Variants in ASTN2 observed in about 807,000 individuals in gnomAD.
The protein encoded by ASTN2 is astrotactin 2.
ASTN2 carries 54 observed loss-of-function variants against 139.8 expected under a neutral mutation model. That is an observed-to-expected ratio of 0.39 (90% CI 0.31 to 0.48). The LOEUF (loss-of-function observed/expected upper bound fraction) is 0.48. ASTN2 is among the 20% of genes least tolerant of loss of function. ASTN2 has a pLI of 0.95. For synonymous variants in ASTN2, 756 were observed against 719.5 expected (o/e 1.05, Z -0.81); for missense variants, 1,565 against 1,725.1 (o/e 0.91, Z 1.64).
intron 19 of ASTN2, among the ~76,000 whole-genome samples, chr9:116,565,262 G>C (rs1853129323): frequency 7.5e-6 from 1 of 133,224 alleles, no homozygotes; most frequent in Non-Finnish European, 1.6e-5. Context: ...ACACACATAT[G>C]CCCCATACTG....
At chr9:116,691,087 C>CT (rs1860543317) in intron 16 of ASTN2, among the ~76,000 whole-genome samples, 1 of 152,106 alleles carries the variant, frequency 6.6e-6, no homozygotes, top group Admixed American at 6.5e-5. Context: ...ACCTGATTAT[C>CT]TTTTAAATTT....
At chr9:116,590,155 T>G (rs571617535) in intron 19 of ASTN2, among the ~76,000 whole-genome samples, 8 of 152,258 alleles carry the variant, frequency 5.3e-5, no homozygotes, top group African/African-American at 1.9e-4. Flanking sequence ...CACTTCCAAG[T>G]TGGAGGAGCG....
At chr9:116,688,404 CAGAG>C (rs1010893490) in intron 16 of ASTN2, among the ~76,000 whole-genome samples, 1 of 151,928 alleles carries the variant, frequency 6.6e-6, no homozygotes, top group Non-Finnish European at 1.5e-5. Flanking sequence ...GCATGGGAGA[CAGAG>C]GGAGTTCAGG....
intron 9 of ASTN2, among the ~76,000 whole-genome samples, chr9:116,975,857 C>A (rs1245798348): frequency 6.6e-6 from 1 of 152,196 alleles, no homozygotes; most frequent in East Asian, 1.9e-4. Flanking sequence ...TATTTTTAAA[C>A]CACTGGACTT....
intron 5 of ASTN2, among the ~76,000 whole-genome samples, chr9:117,086,415 A>G (rs1208480768): frequency 6.6e-6 from 1 of 152,128 alleles, no homozygotes; most frequent in Non-Finnish European, 1.5e-5. Flanking sequence ...TCTACTAAAA[A>G]TACAAAAAAT....
intron 20 of ASTN2, among the ~76,000 whole-genome samples, chr9:116,485,583 G>T (rs932780313): frequency 6.6e-6 from 1 of 152,194 alleles, no homozygotes; most frequent in Non-Finnish European, 1.5e-5. Flanking sequence ...CTCAAAGTCA[G>T]TCCCCAGTCC....
chr9:116,883,433 A>G (rs527560083), intron 10 of ASTN2, among the ~76,000 whole-genome samples: 2 of 152,106 alleles, frequency 1.3e-5, no homozygotes, highest in East Asian at 1.9e-4. Context: ...TATAATATCC[A>G]TGTCCCTTTC....
At chr9:117,350,521 T>C (rs143182796) in intron 1 of ASTN2, among the ~76,000 whole-genome samples, 133 of 150,188 alleles carry the variant, frequency 8.9e-4, no homozygotes, top group Admixed American at 1.8e-3. Flanking sequence ...GCTACTACGC[T>C]TCAGCCTGGG....
chr9:117,188,783 G>A (rs1831271607), intron 3 of ASTN2, among the ~76,000 whole-genome samples: 1 of 152,170 alleles, frequency 6.6e-6, no homozygotes, highest in South Asian at 2.1e-4. Context: ...GAAATGCCAA[G>A]GAATAATGAT....
chr9:116,511,988 C>T (rs576646827), intron 19 of ASTN2, among the ~76,000 whole-genome samples: 14 of 151,982 alleles, frequency 9.2e-5, no homozygotes, highest in South Asian at 4.2e-4. Context: ...AAGGGTTTTT[C>T]GTGTCTCTAA....
intron 1 of ASTN2, among the ~76,000 whole-genome samples, chr9:117,355,197 C>A (rs1829505866): frequency 6.6e-6 from 1 of 152,092 alleles, no homozygotes; most frequent in Admixed American, 6.5e-5. Context: ...GAATAGTCAG[C>A]AAATTCAGTA....
At chr9:117,243,346 A>G (rs1040193450) in intron 2 of ASTN2, among the ~76,000 whole-genome samples, 1 of 152,248 alleles carries the variant, frequency 6.6e-6, no homozygotes, top group Non-Finnish European at 1.5e-5. Context: ...AGGGAAACTG[A>G]GTATCAAACA....
At chr9:116,923,512 A>G (rs1164021244) in intron 10 of ASTN2, among the ~76,000 whole-genome samples, 1 of 152,224 alleles carries the variant, frequency 6.6e-6, no homozygotes, top group Non-Finnish European at 1.5e-5. Context: ...AAGTTATGAG[A>G]AAAGGTGAGT....
At chr9:117,249,760 C>T (rs866585903) in intron 2 of ASTN2, among the ~76,000 whole-genome samples, 27 of 151,786 alleles carry the variant, frequency 1.8e-4, no homozygotes, top group Middle Eastern at 6.8e-3. Flanking sequence ...TTATTCAAGC[C>T]GTATTACTGG....
intron 1 of ASTN2, among the ~76,000 whole-genome samples, chr9:117,293,143 C>G (rs908649449): frequency 6.6e-6 from 1 of 152,094 alleles, no homozygotes; most frequent in African/African-American, 2.4e-5. Flanking sequence ...TGACAGCTTG[C>G]TTTCTCTCCC....
At chr9:116,949,355 C>T (rs1336354956) in intron 10 of ASTN2, among the ~76,000 whole-genome samples, 4 of 152,108 alleles carry the variant, frequency 2.6e-5, no homozygotes, top group African/African-American at 7.2e-5. Context: ...TTTAAAAAAT[C>T]GTACTTGAAC....
chr9:117,213,900 G>A (rs992738094), intron 3 of ASTN2, among the ~76,000 whole-genome samples: 8 of 152,154 alleles, frequency 5.3e-5, no homozygotes, highest in Non-Finnish European at 1.0e-4. Flanking sequence ...TCTTTTATTT[G>A]TGTTGTCAAA....
At chr9:117,177,585 A>G (rs1017594808) in intron 3 of ASTN2, among the ~76,000 whole-genome samples, 1 of 152,138 alleles carries the variant, frequency 6.6e-6, no homozygotes, top group Non-Finnish European at 1.5e-5. Flanking sequence ...AAACTCAAAC[A>G]TGGGCCCCAC....
intron 3 of ASTN2, among the ~76,000 whole-genome samples, chr9:117,193,379 C>T (rs1304619597): frequency 6.6e-6 from 1 of 152,200 alleles, no homozygotes; most frequent in East Asian, 1.9e-4. Flanking sequence ...GTGGCTCATG[C>T]CTGTAATCCC....
Sources: allele counts gnomAD v4.1 joint callset (sites outside exome capture counted in the v4.1 genomes callset), GRCh38; gene constraint gnomAD v4.1.1; transcripts MANE v1.5; gene names NCBI Gene and HGNC (gene_info 2026-07-23, HGNC 2026-07-21).